KCNH1: variants seen among roughly 807,000 people sequenced by gnomAD.
KCNH1 encodes the protein voltage-gated delayed rectifier potassium channel KCNH1.
KCNH1 carries 27 observed loss-of-function variants against 69.2 expected under a neutral mutation model. The ratio of observed to expected loss-of-function variants is 0.39; its 90% CI spans 0.29 to 0.54. KCNH1 has a LOEUF of 0.54. Ranked by LOEUF, KCNH1 falls within the 20% of genes least tolerant of loss-of-function variation. The probability of loss-of-function intolerance (pLI) is 0.68; values close to 1 mark genes in which losing one functional copy is unlikely to be tolerated. For synonymous variants in KCNH1, 456 were observed against 487.7 expected (o/e 0.93, Z 0.86); for missense variants, 798 against 1,261.6 (o/e 0.63, Z 5.57).
chr1:210,720,327 C>T (rs1682422023), intron 10 of KCNH1, among the ~76,000 whole-genome samples: 1 of 152,078 alleles, frequency 6.6e-6, no homozygotes, highest in Admixed American at 6.6e-5. Flanking sequence ...TGAGCTAAGC[C>T]AAGGCAGGAG....
chr1:210,973,156 C>A (rs1688544380), intron 6 of KCNH1, among the ~76,000 whole-genome samples: 1 of 152,096 alleles, frequency 6.6e-6, no homozygotes, highest in Non-Finnish European at 1.5e-5. Context: ...TAATATCATT[C>A]TGACCTTTGG....
intron 10 of KCNH1, among the ~76,000 whole-genome samples, chr1:210,733,990 G>C (rs899441907): frequency 2.6e-4 from 37 of 139,684 alleles, no homozygotes; most frequent in African/African-American, 8.7e-4. Context: ...CACACACACA[G>C]CCCTCAGAAG....
At chr1:211,119,578 A>C (rs1463804809) in intron 1 of KCNH1, among the ~76,000 whole-genome samples, 1 of 152,172 alleles carries the variant, frequency 6.6e-6, no homozygotes, top group Non-Finnish European at 1.5e-5. Flanking sequence ...AAGGTTATTT[A>C]GGAGAATGGA....
At chr1:210,818,312 T>A (rs1322872139) in intron 7 of KCNH1, among the ~76,000 whole-genome samples, 2 of 152,196 alleles carry the variant, frequency 1.3e-5, no homozygotes, top group African/African-American at 4.8e-5. Flanking sequence ...TAAAGACGTC[T>A]TATAAGCCTA....
intron 6 of KCNH1, among the ~76,000 whole-genome samples, chr1:210,921,427 CA>C (rs1176018208): frequency 6.6e-6 from 1 of 152,254 alleles, no homozygotes; most frequent in African/African-American, 2.4e-5. Flanking sequence ...CTAACAGTTT[CA>C]ATGTCACTGC....
chr1:211,098,150 T>C (rs1691191543), intron 3 of KCNH1, among the ~76,000 whole-genome samples: 1 of 151,540 alleles, frequency 6.6e-6, no homozygotes, highest in Non-Finnish European at 1.5e-5. Flanking sequence ...AAACCCCGAC[T>C]CTACAAAAAT....
intron 7 of KCNH1, among the ~76,000 whole-genome samples, chr1:210,865,050 TG>T (rs1364832391): frequency 2.6e-5 from 4 of 152,238 alleles, no homozygotes; most frequent in Non-Finnish European, 4.4e-5. Flanking sequence ...ATCACTATAA[TG>T]TGACTTCTGC....
At chr1:211,108,745 A>C (rs546084820) in intron 1 of KCNH1, 35 of 152,348 alleles carry the variant, frequency 2.3e-4, no homozygotes, top group African/African-American at 7.9e-4. Flanking sequence ...AAAGGAACAG[A>C]AAATACAACA....
At chr1:210,774,822 A>C (rs1683829976) in intron 10 of KCNH1, among the ~76,000 whole-genome samples, 1 of 152,192 alleles carries the variant, frequency 6.6e-6, no homozygotes, top group Admixed American at 6.5e-5. Flanking sequence ...TTTAGTTGGG[A>C]GTTGAATGCA....
At chr1:210,871,308 C>T (rs1003451087) in intron 7 of KCNH1, among the ~76,000 whole-genome samples, 4 of 152,140 alleles carry the variant, frequency 2.6e-5, no homozygotes, top group African/African-American at 9.7e-5. Flanking sequence ...AAAATGCTCA[C>T]CATCACTGGC....
intron 10 of KCNH1, among the ~76,000 whole-genome samples, chr1:210,714,572 T>G (rs554519936): frequency 4.4e-4 from 67 of 152,280 alleles, no homozygotes; most frequent in African/African-American, 1.5e-3. Context: ...AATATACATG[T>G]GCAGCATAAT....
chr1:210,962,931 G>C (rs188672647), intron 6 of KCNH1, among the ~76,000 whole-genome samples: 1 of 150,640 alleles, frequency 6.6e-6, no homozygotes, highest in African/African-American at 2.4e-5. Context: ...GTATCGTTTC[G>C]TATGTTGGTA....
At chr1:211,071,581 G>A (rs982459349) in intron 5 of KCNH1, among the ~76,000 whole-genome samples, 6 of 152,168 alleles carry the variant, frequency 3.9e-5, no homozygotes, top group African/African-American at 1.4e-4. Context: ...CTTTACGTCT[G>A]TAAATGTTGT....
chr1:210,791,415 G>A (rs2102392752), intron 9 of KCNH1, among the ~76,000 whole-genome samples: 1 of 152,306 alleles, frequency 6.6e-6, no homozygotes, highest in Non-Finnish European at 1.5e-5. Flanking sequence ...TCCCAGCTGA[G>A]TTTTGTGTCC....
intron 6 of KCNH1, among the ~76,000 whole-genome samples, chr1:210,942,900 A>G (rs1687898772): frequency 6.6e-6 from 1 of 152,230 alleles, no homozygotes. Context: ...AATTACCAAG[A>G]AAACAAACAT....
intron 7 of KCNH1, among the ~76,000 whole-genome samples, chr1:210,864,296 G>T (rs1428791145): frequency 6.6e-6 from 1 of 152,214 alleles, no homozygotes; most frequent in East Asian, 1.9e-4. Flanking sequence ...AGGATGTGGG[G>T]AATGAGGAGC....
At chr1:211,065,957 G>T (rs1690521404) in intron 5 of KCNH1, among the ~76,000 whole-genome samples, 1 of 152,044 alleles carries the variant, frequency 6.6e-6, no homozygotes, top group African/African-American at 2.4e-5. Flanking sequence ...TACTTGGGAG[G>T]CTGAGGTGAG....
At chr1:210,955,334 G>C (rs560313046) in intron 6 of KCNH1, among the ~76,000 whole-genome samples, 4 of 152,116 alleles carry the variant, frequency 2.6e-5, no homozygotes, top group Non-Finnish European at 5.9e-5. Context: ...GTCAGGTAGC[G>C]TGATGCCTCC....
chr1:210,957,093 C>T lies in KCNH1; in HGVS notation c.1033-37024G>A, dbSNP rs778887387. Among the ~76,000 whole-genome samples, 10 of 152,078 alleles carry T rather than the reference C, an allele frequency of 6.6e-5. No homozygotes were observed. In the East Asian group the frequency reaches 9.7e-4, roughly 15 times the overall value. On this transcript the variant is annotated intron_variant, in intron 6 of 10. Transcript: ENST00000271751. The stretch of plus-strand genomic sequence containing the variant: ...TCTACACACTGCTTTAGCTGTGTCC[C>T]GGAGAATCTGGTACATTGTGTCTTT...
Sources: allele counts gnomAD v4.1 joint callset (sites outside exome capture counted in the v4.1 genomes callset), GRCh38; gene constraint gnomAD v4.1.1; transcripts MANE v1.5; gene names NCBI Gene and HGNC (gene_info 2026-07-23, HGNC 2026-07-21).